Variants in GRAMD2B observed in about 807,000 individuals in gnomAD.
The protein encoded by GRAMD2B is GRAM domain containing 2B, also known as GRAM domain-containing protein 2B.
A neutral mutation model predicts 59.2 loss-of-function variants in GRAMD2B; 41 were observed. The observed-to-expected ratio is 0.69, with a 90% confidence interval of 0.54 to 0.90. The LOEUF (loss-of-function observed/expected upper bound fraction) is 0.90, where lower values mean the gene tolerates loss of function less well. Among genes scored for constraint, GRAMD2B ranks in the 40% least tolerant of loss-of-function variants. The pLI, the probability that GRAMD2B is intolerant of heterozygous loss-of-function variation, is 0.00. For synonymous variants in GRAMD2B, 161 were observed against 182.7 expected, an observed-to-expected ratio of 0.88 and a Z score of 0.96; for missense variants, 424 against 500.5, an observed-to-expected ratio of 0.85 and a Z score of 1.46.
chr5:126,400,799 G>A (rs547264397), intron 1 of GRAMD2B, among the ~76,000 whole-genome samples: 1 of 152,190 alleles, frequency 6.6e-6, no homozygotes, highest in South Asian at 2.1e-4. Flanking sequence ...GCTAGTTTCT[G>A]CTGGTAAATC....
intron 3 of GRAMD2B, among the ~76,000 whole-genome samples, chr5:126,471,211 A>G (rs564198034): frequency 1.3e-4 from 20 of 152,102 alleles, no homozygotes; most frequent in Non-Finnish European, 2.6e-4. Flanking sequence ...TCCTTATAAG[A>G]ATTTTTCTTC....
chr5:126,423,712 C>T lies in GRAMD2B; in HGVS notation c.83+23C>T, dbSNP rs200302458. 2.0e-5 allele frequency: 31 copies of T among 1,587,852 alleles called. No individual in the cohort carries two copies. The East Asian group carries it at 6.9e-4, about 36-fold the overall frequency. On this transcript the variant is annotated intron_variant, in intron 1 of 13. Coordinates refer to ENST00000285689, the MANE Select transcript of GRAMD2B (RefSeq NM_023927.4). ...CCAGTGAGTATTCTCAGCTGGGACC[C>T]ATCCAAGGAGGTGGGAGGAGCGCAG...
intron 1 of GRAMD2B, among the ~76,000 whole-genome samples, chr5:126,442,557 G>T (rs1411870913): frequency 3.3e-5 from 5 of 152,116 alleles, no homozygotes; most frequent in Non-Finnish European, 5.9e-5. Context: ...CTCCCAAAGT[G>T]CTGGGATTAC....
chr5:126,477,235 C>T (rs1300092209), intron 5 of GRAMD2B, among the ~76,000 whole-genome samples: 2 of 152,116 alleles, frequency 1.3e-5, no homozygotes, highest in African/African-American at 4.8e-5. Context: ...CAGAACTGAG[C>T]CAAGAATTCA....
chr5:126,421,205 G>A (rs1759690324), upstream of GRAMD2B, among the ~76,000 whole-genome samples: 2 of 152,164 alleles, frequency 1.3e-5, no homozygotes, highest in East Asian at 1.9e-4. Flanking sequence ...AGTGTTGAAT[G>A]CCACTGAATT....
At chr5:126,477,863 C>G in intron 6 of GRAMD2B, 76 bp downstream of exon 6, 1 of 841,578 alleles carries the variant, frequency 1.2e-6, no homozygotes, top group Non-Finnish European at 2.1e-6. Flanking sequence ...GGGTCTCTTG[C>G]CAAGGACCAA....
intron 5 of GRAMD2B, among the ~76,000 whole-genome samples, chr5:126,475,576 C>G (rs1385306166): frequency 6.6e-6 from 1 of 152,100 alleles, no homozygotes; most frequent in Non-Finnish European, 1.5e-5. Context: ...TGGTTTAGCC[C>G]CTTGTTCTTC....
chr5:126,367,432 T>TGAA (rs752542158), upstream of GRAMD2B, among the ~76,000 whole-genome samples: 1 of 140,682 alleles, frequency 7.1e-6, no homozygotes, highest in Non-Finnish European at 1.5e-5. Context: ...CTGTAAAAAC[T>TGAA]GGAGGAGGAG....
At chr5:126,366,603 T>C (rs1351476786), upstream of GRAMD2B, among the ~76,000 whole-genome samples, 1 of 152,172 alleles carries the variant, frequency 6.6e-6, no homozygotes, top group Non-Finnish European at 1.5e-5. Context: ...TATTCCCATT[T>C]TTACAAAAGC....
At position 126,403,284 on chromosome 5, in the gene GRAMD2B, C is replaced by T. The variant is rs567733538; in HGVS notation, c.125+31717C>T. On this transcript the variant is annotated intron_variant, in intron 1 of 8. Transcript: ENST00000506445. Reference sequence around the variant, plus strand: ...AAGTTTGCTACTGGAGTAGTTAAAACAGTAGAATTTGCAATATGTGATAAA... The same window carrying T: ...AAGTTTGCTACTGGAGTAGTTAAAATAGTAGAATTTGCAATATGTGATAAA... Among the ~76,000 whole-genome samples the T allele has an allele frequency of 2.6e-5, 4 of 152,098 alleles. No individual in the cohort carries two copies. The South Asian group carries it at 8.3e-4, about 32-fold the overall frequency.
At chr5:126,443,014 T>C (rs773484345) in intron 1 of GRAMD2B, among the ~76,000 whole-genome samples, 3 of 152,126 alleles carry the variant, frequency 2.0e-5, no homozygotes, top group Non-Finnish European at 4.4e-5. Flanking sequence ...TTAATGGGGA[T>C]TGTTTTTCCC....
chr5:126,477,802 G>C lies in GRAMD2B; in HGVS notation c.582+15G>C. 1 of 1,510,340 alleles carries C rather than the reference G, an allele frequency of 6.6e-7. No homozygotes were observed. The allele number at this position is 1,510,340 out of a possible 1,614,324, so 93.6% of individuals were successfully genotyped here. A position where few individuals can be genotyped will look rare whatever the true frequency, so the allele number is the denominator to read the frequency against. ...TCACAGACAGGGTGAGTATGCAGCC[G>C]AGCGAGGGCATCTTTGCTTTGTCCT... On this transcript the variant is annotated intron_variant, in intron 6 of 13. Coordinates refer to ENST00000285689, the MANE Select transcript of GRAMD2B (RefSeq NM_023927.4).
chr5:126,486,849 A>G, intron 11 of GRAMD2B, 24 bp from the exon 12 acceptor site: 1 of 1,467,970 alleles, frequency 6.8e-7, no homozygotes, highest in Non-Finnish European at 9.5e-7. Context: ...ACCTAACGAA[A>G]GTTTCTCTTT....
chr5:126,483,071 T>C (rs912040208), intron 8 of GRAMD2B, among the ~76,000 whole-genome samples: 1 of 152,204 alleles, frequency 6.6e-6, no homozygotes, highest in Admixed American at 6.5e-5. Flanking sequence ...TTTCTCTCTG[T>C]CTACATATTT....
intron 1 of GRAMD2B, among the ~76,000 whole-genome samples, chr5:126,460,413 T>C (rs1220916408): frequency 6.6e-6 from 1 of 152,192 alleles, no homozygotes. Flanking sequence ...CAAACAAAAA[T>C]ATATGTATCA....
chr5:126,389,899 G>T (rs957679252), intron 1 of GRAMD2B, among the ~76,000 whole-genome samples: 1 of 152,090 alleles, frequency 6.6e-6, no homozygotes, highest in African/African-American at 2.4e-5. Context: ...AGTGAGCCAA[G>T]ATCATGCCAC....
chr5:126,432,157 G>A (rs1456964363), intron 1 of GRAMD2B, among the ~76,000 whole-genome samples: 1 of 152,102 alleles, frequency 6.6e-6, no homozygotes, highest in African/African-American at 2.4e-5. Context: ...TTGAACTCCT[G>A]GCTTCAAGAG....
At chr5:126,435,679 T>C (rs941739305) in intron 1 of GRAMD2B, among the ~76,000 whole-genome samples, 1 of 152,114 alleles carries the variant, frequency 6.6e-6, no homozygotes, top group African/African-American at 2.4e-5. Context: ...ACCTGAAGAG[T>C]CTTTGAAGAA....
intron 1 of GRAMD2B, among the ~76,000 whole-genome samples, chr5:126,406,696 A>G (rs1469519538): frequency 6.6e-6 from 1 of 152,008 alleles, no homozygotes; most frequent in East Asian, 1.9e-4. Context: ...CAAGGCTTTA[A>G]AGAATTGGTT....
Sources: gnomAD v4.1 joint callset for allele counts (sites outside exome capture counted in the v4.1 genomes callset) on GRCh38, gnomAD v4.1.1 for gene constraint, MANE v1.5 for transcripts, NCBI Gene and HGNC (gene_info 2026-07-23, HGNC 2026-07-21) for gene names.